The following MCHR2 variants were observed in gnomAD, a reference collection of about 807,000 sequenced individuals.
MCHR2 encodes melanin-concentrating hormone receptor 2.
Under a neutral mutation model 24.8 loss-of-function variants are expected in MCHR2, and 15 were observed. That is an observed-to-expected ratio of 0.60 (90% CI 0.40 to 0.93). MCHR2 has a LOEUF of 0.93. Ranked by LOEUF, MCHR2 falls within the 40% of genes least tolerant of loss-of-function variation. The probability of loss-of-function intolerance (pLI) is 0.00; values close to 1 mark genes in which losing one functional copy is unlikely to be tolerated. For missense variants in MCHR2, 386 were observed against 408.7 expected, an observed-to-expected ratio of 0.94 and a Z score of 0.48; for synonymous variants, 151 against 147.6, an observed-to-expected ratio of 1.02 and a Z score of -0.17.
chr6:99,986,511 T>A (rs552333780), intron 1 of MCHR2, among the ~76,000 whole-genome samples: 2 of 152,156 alleles, frequency 1.3e-5, no homozygotes, highest in Non-Finnish European at 2.9e-5. Flanking sequence ...TGAAATAATG[T>A]CTTTTATGGC....
chr6:99,978,963 G>T (rs999117764), intron 1 of MCHR2, among the ~76,000 whole-genome samples: 2 of 152,142 alleles, frequency 1.3e-5, no homozygotes, highest in African/African-American at 4.8e-5. Flanking sequence ...TAGGCAAAGG[G>T]AATAAGCAGG....
chr6:99,966,254 T>C (rs1775294801), intron 1 of MCHR2, among the ~76,000 whole-genome samples: 1 of 152,216 alleles, frequency 6.6e-6, no homozygotes, highest in South Asian at 2.1e-4. Context: ...AGCTCTTTTA[T>C]CTTAGCTGTC....
At chr6:99,971,275 T>C (rs7749449) in intron 1 of MCHR2, among the ~76,000 whole-genome samples, 148,324 of 150,340 alleles carry the variant, frequency 0.99, 73,189 homozygotes, top group Middle Eastern at 1. Flanking sequence ...AGGTCCTTCA[T>C]GTCCCTTGTA....
chr6:99,941,794 T>C (rs1774775890), intron 4 of MCHR2, among the ~76,000 whole-genome samples: 1 of 152,186 alleles, frequency 6.6e-6, no homozygotes, highest in African/African-American at 2.4e-5. Context: ...ACCTAGTCTA[T>C]AGTGCTTTGT....
intron 1 of MCHR2, among the ~76,000 whole-genome samples, chr6:99,958,510 T>C (rs1364248816): frequency 6.6e-6 from 1 of 151,768 alleles, no homozygotes; most frequent in Non-Finnish European, 1.5e-5. Context: ...AGATGTTTAA[T>C]AAAAACCAGA....
chr6:99,927,477 G>T lies in MCHR2; in HGVS notation c.708-6222C>A, dbSNP rs373382734. On this transcript the variant is annotated intron_variant, in intron 5 of 5. Transcript: ENST00000281806. ...TTCTTCCTACCCATGAGCATGGAATGTTCTTCCATTTCTTTGTATCCTCTT... is the reference window on the plus strand; with the variant it reads ...TTCTTCCTACCCATGAGCATGGAATTTTCTTCCATTTCTTTGTATCCTCTT... Among the ~76,000 whole-genome samples, 15 of 152,288 alleles carry T rather than the reference G, an allele frequency of 9.8e-5. No individual in the cohort carries two copies. The East Asian group carries it at 2.9e-3, about 29-fold the overall frequency.
chr6:99,927,850 C>T (rs1212577843), intron 5 of MCHR2, among the ~76,000 whole-genome samples: 1 of 152,122 alleles, frequency 6.6e-6, no homozygotes, highest in African/African-American at 2.4e-5. Flanking sequence ...CATAATTGCC[C>T]TGGCCAGAAC....
chr6:99,983,503 G>A (rs946849364), intron 1 of MCHR2, among the ~76,000 whole-genome samples: 7 of 152,132 alleles, frequency 4.6e-5, no homozygotes, highest in Non-Finnish European at 1.0e-4. Context: ...CCTGATCCCA[G>A]TTGTTCCCCA....
At chr6:99,932,256 TA>T (rs1774561894) in intron 5 of MCHR2, among the ~76,000 whole-genome samples, 2 of 152,210 alleles carry the variant, frequency 1.3e-5, no homozygotes, top group Non-Finnish European at 2.9e-5. Context: ...AGCATTAAAT[TA>T]TGACTCAATG....
At chr6:99,941,625 C>T (rs1233856668) in intron 4 of MCHR2, among the ~76,000 whole-genome samples, 3 of 152,150 alleles carry the variant, frequency 2.0e-5, no homozygotes, top group Non-Finnish European at 2.9e-5. Context: ...AGAGAGCTTG[C>T]TTCCTGTCTC....
rs370812454 is a variant in MCHR2 at position 99,941,299 on chromosome 6, A to G, written c.587+1650T>C. On this transcript the variant is annotated intron_variant, in intron 4 of 5. Transcript: ENST00000281806. ...AGGAACCATCTCATCCACATATTTG[A>G]GTTCTGGAGTTCTGGAGTTCTGGGA... 6.1e-5 allele frequency among the ~76,000 whole-genome samples: 8 copies of G among 130,396 alleles called. No homozygotes were observed. In the East Asian group the frequency reaches 1.5e-3, roughly 24 times the overall value. The allele number at this position is 130,396 out of a possible 152,430, so 85.5% of individuals were successfully genotyped here.
chr6:99,925,322 T>C (rs918025701), intron 5 of MCHR2, among the ~76,000 whole-genome samples: 3 of 152,108 alleles, frequency 2.0e-5, no homozygotes, highest in South Asian at 2.1e-4. Context: ...AGGCAATAGA[T>C]CAACAGGTCT....
intron 5 of MCHR2, among the ~76,000 whole-genome samples, chr6:99,929,985 C>T (rs962896762): frequency 7.3e-5 from 11 of 150,340 alleles, no homozygotes; most frequent in African/African-American, 2.7e-4. Context: ...ACCGGTTGTT[C>T]CTTTCCATGT....
At chr6:99,926,227 T>G (rs1774355315) in intron 5 of MCHR2, among the ~76,000 whole-genome samples, 1 of 152,206 alleles carries the variant, frequency 6.6e-6, no homozygotes, top group African/African-American at 2.4e-5. Flanking sequence ...CTTAATCCAG[T>G]CTATCATTGT....
chr6:99,953,053 G>C (rs994313128), intron 2 of MCHR2, among the ~76,000 whole-genome samples: 9 of 152,202 alleles, frequency 5.9e-5, no homozygotes, highest in African/African-American at 1.7e-4. Flanking sequence ...GTTTCCATAA[G>C]TTACAGCTCA....
At chr6:99,947,298 T>A (rs1436158117) in intron 3 of MCHR2, among the ~76,000 whole-genome samples, 1 of 152,156 alleles carries the variant, frequency 6.6e-6, no homozygotes, top group Non-Finnish European at 1.5e-5. Flanking sequence ...TATGAGGCAA[T>A]AACAAGTGTA....
chr6:99,948,455 T>C (rs1351012423), intron 2 of MCHR2, among the ~76,000 whole-genome samples: 1 of 152,122 alleles, frequency 6.6e-6, no homozygotes, highest in African/African-American at 2.4e-5. Flanking sequence ...CAGCACCAGC[T>C]TTCCAGGTAT....
At chr6:99,958,515 A>T (rs1051895004) in intron 1 of MCHR2, among the ~76,000 whole-genome samples, 1 of 152,008 alleles carries the variant, frequency 6.6e-6, no homozygotes, top group Non-Finnish European at 1.5e-5. Context: ...TTTAATAAAA[A>T]CCAGAAAAAT....
chr6:99,922,892 A>T (rs1421086645), intron 5 of MCHR2, among the ~76,000 whole-genome samples: 2 of 132,732 alleles, frequency 1.5e-5, no homozygotes, highest in Non-Finnish European at 3.3e-5. Context: ...GTGGTTCCAT[A>T]TAAATTTTAA....
Sources: allele counts gnomAD v4.1 joint callset (sites outside exome capture counted in the v4.1 genomes callset), GRCh38; gene constraint gnomAD v4.1.1; transcripts MANE v1.5; gene names NCBI Gene and HGNC (gene_info 2026-07-23, HGNC 2026-07-21).